DOCK10: variants seen among roughly 807,000 people sequenced by gnomAD.
DOCK10 encodes the protein dedicator of cytokinesis protein 10.
Under a neutral mutation model 280.1 loss-of-function variants are expected in DOCK10, and 145 were observed. The observed-to-expected ratio is 0.52, with a 90% CI of 0.45 to 0.59. DOCK10 has a LOEUF of 0.59. Ranked by LOEUF, DOCK10 falls within the 20% of genes least tolerant of loss-of-function variation. DOCK10 has a pLI of 0.00. For synonymous variants in DOCK10, 915 were observed against 942.2 expected, an observed-to-expected ratio of 0.97 and a Z score of 0.53; for missense variants, 2,368 against 2,651.7, an observed-to-expected ratio of 0.89 and a Z score of 2.35.
chr2:224,793,768 C>G (rs1233951907), intron 45 of DOCK10, among the ~76,000 whole-genome samples: 1 of 152,156 alleles, frequency 6.6e-6, no homozygotes, highest in Non-Finnish European at 1.5e-5. Context: ...AATCATAAGT[C>G]TCCTTTTAAA....
Position 225,042,198 on chromosome 2 carries a change from TC to T in DOCK10, c.123+53del. 4.9e-6 allele frequency: 6 copies of T among 1,226,146 alleles called. No individual in the cohort carries two copies. The highest frequency in any genetic ancestry group is 3.7e-5 in the South Asian group (1 of 26,948). 76.0% of individuals were successfully genotyped at this position (1,226,146 alleles called of 1,614,324 possible). A position where few individuals can be genotyped will look rare whatever the true frequency, so the allele number is the denominator to read the frequency against. On this transcript the variant is annotated intron_variant, in intron 1 of 55. Transcript: ENST00000258390. The surrounding 1 kb of genome is among the most constrained non-coding windows in gnomAD (Gnocchi z 5.1). Reference sequence around the variant, plus strand: ...AGCTTTTGGGGAAGCTGGGCTCCGTTCCCCCCGGGCGCCTGGGGCGCGCGGG... The same window carrying T: ...AGCTTTTGGGGAAGCTGGGCTCCGTTCCCCCGGGCGCCTGGGGCGCGCGGG...
Position 224,822,800 on chromosome 2 carries a change from A to T in DOCK10, c.3183+701T>A, listed in dbSNP as rs184471339. Among the ~76,000 whole-genome samples, 425 of 152,252 alleles carry T rather than the reference A, an allele frequency of 2.8e-3. 6 individuals are homozygous for T. Among genetic ancestry groups the T allele is most frequent in the Non-Finnish European group, 1.2e-3 (79 of 68,014 alleles). Reference sequence around the variant, plus strand: ...GCGTTTCCCAAAGTGGCTATTTGGTATCACTGTCAGAGCTAAAGCCATTAT... The same window carrying T: ...GCGTTTCCCAAAGTGGCTATTTGGTTTCACTGTCAGAGCTAAAGCCATTAT... On this transcript the variant is annotated intron_variant, in intron 28 of 55. Transcript: ENST00000258390.
In DOCK10 at chr2:224,845,506, T is replaced by C. The variant is rs746417951; in HGVS notation, c.2359+13A>G. 6.8e-6 allele frequency: 11 copies of C among 1,606,412 alleles called. No homozygotes were observed. The highest frequency in any genetic ancestry group is 9.3e-6 in the Non-Finnish European group (11 of 1,177,556). On this transcript the variant is annotated intron_variant, in intron 20 of 55. Transcript: ENST00000258390. Reference sequence around the variant, plus strand: ...GACATGTGACTCTGCCTCAGATTTCTTCCTGGCAGTACCTGACGTTTCCAG... The same window carrying C: ...GACATGTGACTCTGCCTCAGATTTCCTCCTGGCAGTACCTGACGTTTCCAG...
At position 224,845,223 on chromosome 2, in the gene DOCK10, G is replaced by C. The variant is rs1447279837; in HGVS notation, c.2461C>G (p.Gln821Glu). ...TSLPPNYLSFQDSASGKHGGS... is the reference protein window; with the variant it reads ...TSLPPNYLSFEDSASGKHGGS... ...AATACCTTTCCACTTGCAGAATCTT[G>C]AAAGCTTAAATAATTAGGAGGCAGA... The change falls in exon 21 of 56, where the codon CAA becomes GAA. Residue 821 changes from glutamine (Q) to glutamate (E), a missense_variant. By Grantham distance (29) the Gln-to-Glu change is conservative. Transcript: ENST00000258390. The C allele has an allele frequency of 6.3e-7, 1 of 1,578,816 alleles. No homozygotes were observed. The highest frequency in any genetic ancestry group is 1.8e-5 in the Admixed American group (1 of 54,366).
intron 19 of DOCK10, among the ~76,000 whole-genome samples, chr2:224,846,237 A>G (rs1157677081): frequency 3.9e-5 from 6 of 152,242 alleles, no homozygotes; most frequent in Admixed American, 2.6e-4. Context: ...ATGCACATAC[A>G]TATGCATAAA....
intron 25 of DOCK10, among the ~76,000 whole-genome samples, chr2:224,836,601 A>ATTT (rs774289520): frequency 7.0e-6 from 1 of 143,158 alleles, no homozygotes. Flanking sequence ...GGAGTGTGGA[A>ATTT]TTTTTTTTTT....
At chr2:225,031,757 C>T (rs1690084382) in intron 1 of DOCK10, among the ~76,000 whole-genome samples, 1 of 152,212 alleles carries the variant, frequency 6.6e-6, no homozygotes, top group African/African-American at 2.4e-5. Flanking sequence ...AGCATGGGAA[C>T]TGGAAAGCAT....
In DOCK10 at chr2:224,916,888, A is replaced by G. The variant is rs1701359429; in HGVS notation, c.244-104T>C. 1.6e-5 allele frequency: 13 copies of G among 827,906 alleles called. 1 individual carries two copies. Among genetic ancestry groups the G allele is most frequent in the South Asian group, 6.3e-5 (4 of 63,828 alleles). 51.3% of individuals were successfully genotyped at this position (827,906 alleles called of 1,614,324 possible). ...GGAAGTCTTTTAGATCTTAGTATTT[A>G]AAGTTAACAGAAGACAGAGACACTT... On this transcript the variant is annotated intron_variant, in intron 2 of 55. Coordinates refer to ENST00000258390, the MANE Select transcript of DOCK10 (RefSeq NM_014689.3).
intron 1 of DOCK10, among the ~76,000 whole-genome samples, chr2:224,958,720 C>T (rs1351332672): frequency 2.6e-5 from 4 of 151,966 alleles, no homozygotes; most frequent in East Asian, 1.9e-4. Flanking sequence ...TCTGCCTAAG[C>T]GGGACTGTAA....
intron 7 of DOCK10, among the ~76,000 whole-genome samples, chr2:224,882,799 C>T (rs1283212718): frequency 2.0e-5 from 3 of 152,184 alleles, no homozygotes; most frequent in Non-Finnish European, 4.4e-5. Context: ...CATCTTCAGG[C>T]ACATTTCATG....
intron 1 of DOCK10, among the ~76,000 whole-genome samples, chr2:224,996,870 G>A (rs1706286041): frequency 6.6e-6 from 1 of 152,168 alleles, no homozygotes; most frequent in African/African-American, 2.4e-5. Flanking sequence ...ATGTATAGGG[G>A]TGCAGCAGGC....
At chr2:225,013,150 C>A (rs995531607) in intron 1 of DOCK10, among the ~76,000 whole-genome samples, 1 of 152,126 alleles carries the variant, frequency 6.6e-6, no homozygotes, top group South Asian at 2.1e-4. Context: ...ATCAGTGAGT[C>A]CTGATTAGTC....
At chr2:224,768,793 G>A in intron 55 of DOCK10, 1 of 417,160 alleles carries the variant, frequency 2.4e-6, no homozygotes, top group South Asian at 1.7e-5. Context: ...GGTGACTAGA[G>A]AGACTGAATG....
At chr2:224,944,859 C>T (rs1200496977) in intron 1 of DOCK10, among the ~76,000 whole-genome samples, 2 of 152,164 alleles carry the variant, frequency 1.3e-5, no homozygotes, top group African/African-American at 2.4e-5. Flanking sequence ...CTTCTGTCGT[C>T]GAAGAAAGCT....
chr2:224,961,178 T>C (rs1276966956), intron 1 of DOCK10, among the ~76,000 whole-genome samples: 1 of 152,194 alleles, frequency 6.6e-6, no homozygotes. Flanking sequence ...ATATCAGTGT[T>C]TCCCCAACTG....
At position 224,886,065 on chromosome 2, in the gene DOCK10, G is replaced by A. The variant is rs371764118; in HGVS notation, c.610C>T (p.Arg204Trp). ...GATGAGTCTTGATATCTCCTTACCC[G>A]AACAGTAACGGTGTTGTTCACGGTG... ...NSTVNNTVTV[R>W]SFKKRYFQLT... The change falls in exon 6 of 56, where the codon CGG becomes TGG. Residue 204 changes from arginine (R) to tryptophan (W), a missense_variant and splice_region_variant. Coordinates refer to ENST00000258390, the MANE Select transcript of DOCK10 (RefSeq NM_014689.3). 23 of 1,613,622 alleles carry A rather than the reference G, an allele frequency of 1.4e-5. No homozygotes were observed. Among genetic ancestry groups the A allele is most frequent in the Admixed American group, 6.7e-5 (4 of 59,966 alleles).
At chr2:224,807,458 T>C in intron 33 of DOCK10, 1 of 420,960 alleles carries the variant, frequency 2.4e-6, no homozygotes, top group East Asian at 3.6e-5. Context: ...CAGAGAGAAA[T>C]GAAAGCAAAA....
intron 1 of DOCK10, among the ~76,000 whole-genome samples, chr2:225,000,144 A>G (rs1296656444): frequency 6.6e-6 from 1 of 152,106 alleles, no homozygotes; most frequent in East Asian, 1.9e-4. Flanking sequence ...CGAAGCCACA[A>G]AGGCTATGTT....
chr2:224,924,508 T>C (rs765494630), intron 2 of DOCK10, among the ~76,000 whole-genome samples: 8 of 152,244 alleles, frequency 5.3e-5, no homozygotes, highest in Admixed American at 3.3e-4. Context: ...TTGATCTAAA[T>C]TGCAGCATGT....
Sources: gnomAD v4.1 joint callset for allele counts (sites outside exome capture counted in the v4.1 genomes callset) on GRCh38, gnomAD v4.1.1 for gene constraint, Gnocchi (gnomAD v3.1) non-coding constraint, MANE v1.5 for transcripts, NCBI Gene and HGNC (gene_info 2026-07-23, HGNC 2026-07-21) for gene names.